Variants in HTR1B observed in about 807,000 individuals in gnomAD.
HTR1B encodes the protein 5-hydroxytryptamine (serotonin) receptor 1B, G protein-coupled.
HTR1B carries 12 observed loss-of-function variants against 25.3 expected under a neutral mutation model. That is an observed-to-expected ratio of 0.47 (90% confidence interval 0.30 to 0.77). The LOEUF is 0.77. Ranked by LOEUF, HTR1B falls within the 30% of genes least tolerant of loss-of-function variation. The pLI is 0.06. For synonymous variants in HTR1B, 224 were observed against 219.1 expected, an observed-to-expected ratio of 1.02 and a Z score of -0.20; for missense variants, 453 against 503.0, an observed-to-expected ratio of 0.90 and a Z score of 0.95.
Position 77,462,970 on chromosome 6 carries a change from A to G in HTR1B, c.434T>C (p.Leu145Pro). The G allele has an allele frequency of 6.2e-7, 1 of 1,614,072 alleles. No homozygotes were observed. Among genetic ancestry groups the G allele is most frequent in the Non-Finnish European group, 8.5e-7 (1 of 1,180,036 alleles). Residue 145 changes from leucine to proline, a missense_variant, in exon 1 of 1, where the codon CTG becomes CCG. Physicochemically the swap from Leu to Pro is moderately conservative, Grantham distance 98. Around this residue, in one of 3 missense-constraint regions of HTR1B, gnomAD observed 289 missense variants for 319.6 expected, o/e 0.90. Coordinates refer to ENST00000369947, the MANE Select transcript of HTR1B (RefSeq NM_000863.3). The surrounding 1 kb of genome is among the most constrained non-coding windows in gnomAD (Gnocchi z 4.9). Reference sequence around the variant, plus strand: ...GTCCGTGATGGCCCAGTAGCGGTCCAGGGCGATGACACAGAGGTGCAGGAT... The same window carrying G: ...GTCCGTGATGGCCCAGTAGCGGTCCGGGGCGATGACACAGAGGTGCAGGAT... ...ASILHLCVIALDRYWAITDAV... is the reference protein window; with the variant it reads ...ASILHLCVIAPDRYWAITDAV...
rs756962095 is a variant in HTR1B, at chr6:77,462,866, T to C, written c.538A>G (p.Ile180Val). The change falls in exon 1 of 1, where the codon ATC becomes GTC. Residue 180 changes from isoleucine (I) to valine (V), a missense_variant. This residue lies in a region of HTR1B where 289 missense variants were observed against 319.6 expected (regional missense o/e 0.90). Transcript: ENST00000369947. The surrounding 1 kb of genome is among the most constrained non-coding windows in gnomAD (Gnocchi z 4.9). Reference protein sequence around the residue: ...IALVWVFSISISLPPFFWRQA... With the variant: ...IALVWVFSISVSLPPFFWRQA... ...CGCCAGAAGAAGGGCGGCAGCGAGA[T>C]AGAGATGGAGAAGACCCACACCAGC... The C allele has an allele frequency of 1.2e-6, 2 of 1,613,660 alleles. No homozygotes were observed. Among genetic ancestry groups the C allele is most frequent in the Admixed American group, 1.7e-5 (1 of 60,010 alleles).
At position 77,461,964 on chromosome 6, in the gene HTR1B, T is replaced by C; in HGVS notation, c.*267A>G. ...AGTTGCAACCCCCTTTGGGATTGGC[T>C]GCCGCAGGGTCAGTGCTGAGCCCGG... On this transcript the variant is annotated 3_prime_UTR_variant, in exon 1 of 1. Coordinates refer to ENST00000369947, the MANE Select transcript of HTR1B (RefSeq NM_000863.3). 1 of 404,344 alleles carries C rather than the reference T, an allele frequency of 2.5e-6. No homozygotes were observed. The highest frequency in any genetic ancestry group is 4.2e-5 in the East Asian group (1 of 24,000). The allele number at this position is 404,344 out of a possible 1,614,324, so 25.0% of individuals were successfully genotyped here.
rs1263521337 is a variant in HTR1B at position 77,461,332 on chromosome 6, C to A, written c.*899G>T. Among the ~76,000 whole-genome samples, 7 of 152,128 alleles carry A rather than the reference C, an allele frequency of 4.6e-5. No homozygotes were observed. The highest frequency in any genetic ancestry group is 7.3e-5 in the Non-Finnish European group (5 of 68,040). On this transcript the variant is annotated 3_prime_UTR_variant, in exon 1 of 1. Transcript: ENST00000369947. ...GGGCTGAGTCACCCATCATACCCTTCATTTATGGGGATTTAAATGTGTAAA... is the reference window on the plus strand; with the variant it reads ...GGGCTGAGTCACCCATCATACCCTTAATTTATGGGGATTTAAATGTGTAAA...
In HTR1B at chr6:77,462,942, G is replaced by A. The variant is rs752193601; in HGVS notation, c.462C>T (p.Ala154=). Residue 154 remains alanine (A), a synonymous_variant, in exon 1 of 1, where the codon GCC becomes GCT. Transcript: ENST00000369947. This position sits in a 1 kb window ranked among gnomAD's most constrained non-coding sequence, Gnocchi z 4.9. ...ALDRYWAITD[A]VEYSAKRTPK... Reference sequence around the variant, plus strand: ...GAGTCCTTTTAGCTGAGTACTCCACGGCGTCCGTGATGGCCCAGTAGCGGT... The same window carrying A: ...GAGTCCTTTTAGCTGAGTACTCCACAGCGTCCGTGATGGCCCAGTAGCGGT... 7 of 1,614,088 alleles carry A rather than the reference G, an allele frequency of 4.3e-6. No individual in the cohort carries two copies. The highest frequency in any genetic ancestry group is 2.2e-5 in the East Asian group (1 of 44,870).
rs765603069 is a variant in HTR1B, at chr6:77,462,588, C to A, written c.816G>T (p.Ser272=). The change falls in exon 1 of 1, where the codon TCG becomes TCT. Residue 272 remains serine (S), a synonymous_variant. Transcript: ENST00000369947. This position sits in a 1 kb window ranked among gnomAD's most constrained non-coding sequence, Gnocchi z 4.9. ...ATTCGCTGGGCACGTCGGGAACCCGCGAGTTAATAGAGGTGACCGAGGACG... is the reference window on the plus strand; with the variant it reads ...ATTCGCTGGGCACGTCGGGAACCCGAGAGTTAATAGAGGTGACCGAGGACG... ...GSTSSVTSIN[S]RVPDVPSESG... 1.2e-6 allele frequency: 2 copies of A among 1,613,126 alleles called. No individual in the cohort carries two copies. The highest frequency in any genetic ancestry group is 1.1e-5 in the South Asian group (1 of 91,064).
rs199682585 is a variant in HTR1B at position 77,463,232 on chromosome 6, G to A, written c.172C>T (p.Leu58Phe). ...WKVLLVMLLA[L>F]ITLATTLSNA... The stretch of plus-strand genomic sequence containing the variant: ...GAGAGCGTGGTGGCCAAGGTGATGA[G>A]CGCCAATAGCATAACCAGCAGTACT... Residue 58 changes from leucine (L) to phenylalanine (F), a missense_variant, in exon 1 of 1, where the codon CTC becomes TTC. Coordinates refer to ENST00000369947, the MANE Select transcript of HTR1B (RefSeq NM_000863.3). 4.3e-6 allele frequency: 7 copies of A among 1,614,132 alleles called. No homozygotes were observed. The highest frequency in any genetic ancestry group is 1.3e-5 in the African/African-American group (1 of 74,938).
In HTR1B at chr6:77,462,169, G is replaced by C. The variant is rs1766146004; in HGVS notation, c.*62C>G. 9.4e-6 allele frequency: 11 copies of C among 1,164,534 alleles called. No homozygotes were observed. Among genetic ancestry groups the C allele is most frequent in the Non-Finnish European group, 1.4e-5 (11 of 799,058 alleles). 72.1% of individuals were successfully genotyped at this position (1,164,534 alleles called of 1,614,324 possible). Reference sequence around the variant, plus strand: ...CCGCGAAAGAAGATTCGACCTACCTGTGGAACCAGACACAACTTGGTCCCC... The same window carrying C: ...CCGCGAAAGAAGATTCGACCTACCTCTGGAACCAGACACAACTTGGTCCCC... On this transcript the variant is annotated 3_prime_UTR_variant, in exon 1 of 1. Coordinates refer to ENST00000369947, the MANE Select transcript of HTR1B (RefSeq NM_000863.3). This position sits in a 1 kb window ranked among gnomAD's most constrained non-coding sequence, Gnocchi z 4.9.
Position 77,461,621 on chromosome 6 carries a change from C to A in HTR1B, c.*610G>T, listed in dbSNP as rs1766137670. On this transcript the variant is annotated 3_prime_UTR_variant, in exon 1 of 1. Coordinates refer to ENST00000369947, the MANE Select transcript of HTR1B (RefSeq NM_000863.3). ...CAGCATCAGAATTTTGCTGTTAACT[C>A]TTCAAGGTTTCTCTGCGCCATCCAA... 7.8e-6 allele frequency: 1 copy of A among 127,452 alleles called. No individual in the cohort carries two copies. The highest frequency in any genetic ancestry group is 1.5e-5 in the Non-Finnish European group (1 of 64,528). 7.9% of individuals were successfully genotyped at this position (127,452 alleles called of 1,614,324 possible). A position where few individuals can be genotyped will look rare whatever the true frequency, so the allele number is the denominator to read the frequency against.
rs192955175 is a variant in HTR1B at position 77,463,392 on chromosome 6, C to T, written c.12G>A (p.Pro4=). ...GCGGCGGTGGAGCGCACTGAGCACC[C>T]GGTTCCTCCATGGCTCTCCTCGCCC... is the stretch of plus-strand genomic sequence containing the variant. MEE[P]GAQCAPPPPA... The change falls in exon 1 of 1, where the codon CCG becomes CCA. Residue 4 remains proline (P), a synonymous_variant. Transcript: ENST00000369947. 945 of 1,611,946 alleles carry T rather than the reference C, an allele frequency of 5.9e-4. 14 individuals carry two copies. In the South Asian group the frequency reaches 9.9e-3, roughly 17 times the overall value.
In HTR1B at chr6:77,462,041, A is replaced by T. The variant is rs913072691; in HGVS notation, c.*190T>A. On this transcript the variant is annotated 3_prime_UTR_variant, in exon 1 of 1. Coordinates refer to ENST00000369947, the MANE Select transcript of HTR1B (RefSeq NM_000863.3). The surrounding 1 kb of genome is among the most constrained non-coding windows in gnomAD (Gnocchi z 4.9). ...TCCTGGGCAGGGAAGCTCTACATTT[A>T]GTTTCAACACTTCTCCTTTCAGAGC... 14 of 575,418 alleles carry T rather than the reference A, an allele frequency of 2.4e-5. No individual in the cohort carries two copies. The highest frequency in any genetic ancestry group is 4.6e-4 in the Middle Eastern group (1 of 2,190). The allele number at this position is 575,418 out of a possible 1,614,324, so 35.6% of individuals were successfully genotyped here.
chr6:77,462,463 T>C lies in HTR1B; in HGVS notation c.941A>G (p.Lys314Arg). The change falls in exon 1 of 1, where the codon AAG becomes AGG. Residue 314 changes from lysine (K) to arginine (R), a missense_variant. Physicochemically the swap from Lys to Arg is conservative, Grantham distance 26. Transcript: ENST00000369947. This position sits in a 1 kb window ranked among gnomAD's most constrained non-coding sequence, Gnocchi z 4.9. Reference sequence around the variant, plus strand: ...GGCTCCCAAAATGATCCCTAGGGTCTTGGTGGCTTTGCGCTCCCTAGCGGC... The same window carrying C: ...GGCTCCCAAAATGATCCCTAGGGTCCTGGTGGCTTTGCGCTCCCTAGCGGC... Reference protein sequence around the residue: ...LMAARERKATKTLGIILGAFI... With the variant: ...LMAARERKATRTLGIILGAFI... 1 of 1,614,050 alleles carries C rather than the reference T, an allele frequency of 6.2e-7. No homozygotes were observed. Among genetic ancestry groups the C allele is most frequent in the Non-Finnish European group, 8.5e-7 (1 of 1,180,004 alleles).
rs201257482 is a variant in HTR1B, at chr6:77,462,597, A to G, written c.807T>C (p.Ser269=). 7.8e-5 allele frequency: 126 copies of G among 1,613,112 alleles called. No homozygotes were observed. In the Middle Eastern group the frequency reaches 8.2e-4, roughly 11 times the overall value. ...DSPGSTSSVT[S]INSRVPDVPS... ...GCACGTCGGGAACCCGCGAGTTAAT[A>G]GAGGTGACCGAGGACGTGGACCCGG... is the stretch of plus-strand genomic sequence containing the variant. Residue 269 remains serine (S), a synonymous_variant, in exon 1 of 1, where the codon TCT becomes TCC. Transcript: ENST00000369947. This position sits in a 1 kb window ranked among gnomAD's most constrained non-coding sequence, Gnocchi z 4.9.
chr6:77,462,498 C>T lies in HTR1B; in HGVS notation c.906G>A (p.Lys302=). The T allele has an allele frequency of 6.2e-7, 1 of 1,614,000 alleles. No individual in the cohort carries two copies. Among genetic ancestry groups the T allele is most frequent in the Non-Finnish European group, 8.5e-7 (1 of 1,180,026 alleles). The change falls in exon 1 of 1, where the codon AAG becomes AAA. Residue 302 remains lysine, a synonymous_variant. Transcript: ENST00000369947. The surrounding 1 kb of genome is among the most constrained non-coding windows in gnomAD (Gnocchi z 4.9). ...TGCGCTCCCTAGCGGCCATGAGTTTCTTCTTTTCCAGCAGGGCGTCGGAGA... is the reference window on the plus strand; with the variant it reads ...TGCGCTCCCTAGCGGCCATGAGTTTTTTCTTTTCCAGCAGGGCGTCGGAGA... ...VRVSDALLEK[K]KLMAARERKA...
chr6:77,462,360 T>C lies in HTR1B; in HGVS notation c.1044A>G (p.Leu348=). The change falls in exon 1 of 1, where the codon CTA becomes CTG. Residue 348 remains leucine, a synonymous_variant. Coordinates refer to ENST00000369947, the MANE Select transcript of HTR1B (RefSeq NM_000863.3). The surrounding 1 kb of genome is among the most constrained non-coding windows in gnomAD (Gnocchi z 4.9). The part of the protein sequence containing the change: ...PICKDACWFH[L]AIFDFFTWLG... ...GCCATGTGAAGAAGTCAAAGATGGC[T>C]AGGTGGAACCAGCAGGCATCTTTGC... is the stretch of plus-strand genomic sequence containing the variant. The C allele has an allele frequency of 6.2e-7, 1 of 1,614,074 alleles. No individual in the cohort carries two copies. The highest frequency in any genetic ancestry group is 8.5e-7 in the Non-Finnish European group (1 of 1,179,970).
chr6:77,463,264 G>A lies in HTR1B; in HGVS notation c.140C>T (p.Pro47Leu). ...TAGCATAACCAGCAGTACTTTCCAGGGTAGGGAGATGGAGTCCTGGTAAAT... is the reference window on the plus strand; with the variant it reads ...TAGCATAACCAGCAGTACTTTCCAGAGTAGGGAGATGGAGTCCTGGTAAAT... ...DYIYQDSISL[P>L]WKVLLVMLLA... Residue 47 changes from proline (P) to leucine (L), a missense_variant, in exon 1 of 1, where the codon CCC becomes CTC. Transcript: ENST00000369947. 2 of 1,614,224 alleles carry A rather than the reference G, an allele frequency of 1.2e-6. No homozygotes were observed. The highest frequency in any genetic ancestry group is 8.5e-7 in the Non-Finnish European group (1 of 1,180,038).
Position 77,463,284 on chromosome 6 carries a change from G to A in HTR1B, c.120C>T (p.Tyr40=), listed in dbSNP as rs748168579. The A allele has an allele frequency of 1.9e-6, 3 of 1,614,086 alleles. No individual in the cohort carries two copies. The highest frequency in any genetic ancestry group is 4.5e-5 in the East Asian group (2 of 44,884). ...SQNCSAKDYI[Y]QDSISLPWKV... ...TCCAGGGTAGGGAGATGGAGTCCTGGTAAATGTAGTCCTTGGCGCTGCAGT... is the reference window on the plus strand; with the variant it reads ...TCCAGGGTAGGGAGATGGAGTCCTGATAAATGTAGTCCTTGGCGCTGCAGT... The change falls in exon 1 of 1, where the codon TAC becomes TAT. Residue 40 remains tyrosine (Y), a synonymous_variant. Coordinates refer to ENST00000369947, the MANE Select transcript of HTR1B (RefSeq NM_000863.3).
Position 77,462,192 on chromosome 6 carries a change from C to T in HTR1B, c.*39G>A, listed in dbSNP as rs765998073. ...CTGTGGAACCAGACACAACTTGGTC[C>T]CCAAAGGTCGCTTAGGCGACCCCAC... On this transcript the variant is annotated 3_prime_UTR_variant, in exon 1 of 1. Transcript: ENST00000369947. The surrounding 1 kb of genome is among the most constrained non-coding windows in gnomAD (Gnocchi z 4.9). 1.4e-6 allele frequency: 2 copies of T among 1,434,544 alleles called. No homozygotes were observed. Among genetic ancestry groups the T allele is most frequent in the Admixed American group, 3.6e-5 (2 of 55,644 alleles). The allele number at this position is 1,434,544 out of a possible 1,614,324, so 88.9% of individuals were successfully genotyped here. A position where few individuals can be genotyped will look rare whatever the true frequency, so the allele number is the denominator to read the frequency against.
chr6:77,461,858 T>G lies in HTR1B; in HGVS notation c.*373A>C. On this transcript the variant is annotated 3_prime_UTR_variant, in exon 1 of 1. Transcript: ENST00000369947. ...GTCTCAGACAGGCTTCAGACAACAATTACAAGTACACTGCTTCTAGTGGGC... is the reference window on the plus strand; with the variant it reads ...GTCTCAGACAGGCTTCAGACAACAAGTACAAGTACACTGCTTCTAGTGGGC... The G allele has an allele frequency of 4.8e-6, 1 of 206,294 alleles. No individual in the cohort carries two copies. Among genetic ancestry groups the G allele is most frequent in the Non-Finnish European group, 9.9e-6 (1 of 101,076 alleles). The allele number at this position is 206,294 out of a possible 1,614,324, so 12.8% of individuals were successfully genotyped here.
Position 77,462,885 on chromosome 6 carries a change from C to G in HTR1B, c.519G>C (p.Val173=), listed in dbSNP as rs972832755. 6.2e-6 allele frequency: 10 copies of G among 1,613,906 alleles called. No homozygotes were observed. Among genetic ancestry groups the G allele is most frequent in the Non-Finnish European group, 7.6e-6 (9 of 1,180,054 alleles). The change falls in exon 1 of 1, where the codon GTG becomes GTC. Residue 173 remains valine (V), a synonymous_variant. Transcript: ENST00000369947. The surrounding 1 kb of genome is among the most constrained non-coding windows in gnomAD (Gnocchi z 4.9). ...GCGAGATAGAGATGGAGAAGACCCA[C>G]ACCAGCGCGATCATGACCGCCGCCC... ...PKRAAVMIAL[V]WVFSISISLP...
Sources: allele counts gnomAD v4.1 joint callset (sites outside exome capture counted in the v4.1 genomes callset), GRCh38; gene constraint gnomAD v4.1.1; regional missense constraint gnomAD v4.1.1; non-coding constraint Gnocchi (gnomAD v3.1); transcripts MANE v1.5; gene names NCBI Gene and HGNC (gene_info 2026-07-23, HGNC 2026-07-21).